OLA1: variants seen among roughly 807,000 people sequenced by gnomAD.
The protein encoded by OLA1 is Obg like ATPase 1.
In OLA1, 14 loss-of-function variants were observed where a neutral mutation model predicts 48.4. The ratio of observed to expected loss-of-function variants is 0.29; its 90% CI spans 0.19 to 0.45. The LOEUF (loss-of-function observed/expected upper bound fraction) is 0.45, where lower values mean the gene tolerates loss of function less well. Ranked by LOEUF, OLA1 falls within the 20% of genes least tolerant of loss-of-function variation. The pLI is 1.00. For synonymous variants in OLA1, 127 were observed against 150.4 expected, an observed-to-expected ratio of 0.84 and a Z score of 1.14; for missense variants, 325 against 467.1, an observed-to-expected ratio of 0.70 and a Z score of 2.80.
chr2:174,207,516 T>G (rs1443999261), intron 4 of OLA1, among the ~76,000 whole-genome samples: 3 of 152,174 alleles, frequency 2.0e-5, no homozygotes, highest in Non-Finnish European at 2.9e-5. Context: ...TCTATTTCCT[T>G]AAGAACTTGT....
intron 2 of OLA1, chr2:174,240,285 T>A (rs1044176382): frequency 2.6e-5 from 4 of 152,238 alleles, no homozygotes; most frequent in Non-Finnish European, 4.4e-5. Flanking sequence ...CCTCCACTCC[T>A]GATAGGTCAC....
rs925924039 is a variant in OLA1 at position 174,106,546 on chromosome 2, T to C, written c.728+16634A>G. ...ACAAGTCTTTTGAAATGCAATTTAGTATTAAAGTTTGAGAAATTGCTGTTG... is the reference window on the plus strand; with the variant it reads ...ACAAGTCTTTTGAAATGCAATTTAGCATTAAAGTTTGAGAAATTGCTGTTG... On this transcript the variant is annotated intron_variant, in intron 7 of 10. Coordinates refer to ENST00000284719, the MANE Select transcript of OLA1 (RefSeq NM_013341.5). Among the ~76,000 whole-genome samples, 3 of 152,260 alleles carry C rather than the reference T, an allele frequency of 2.0e-5. No individual in the cohort carries two copies. In the South Asian group the frequency reaches 6.2e-4, roughly 32 times the overall value.
At chr2:174,224,518 C>T (rs1377528183) in intron 3 of OLA1, among the ~76,000 whole-genome samples, 1 of 152,122 alleles carries the variant, frequency 6.6e-6, no homozygotes, top group East Asian at 1.9e-4. Flanking sequence ...CATCTGTAGT[C>T]CCAAGTATTT....
chr2:174,242,283 G>A (rs550896148), intron 2 of OLA1, among the ~76,000 whole-genome samples: 1 of 152,318 alleles, frequency 6.6e-6, no homozygotes, highest in South Asian at 2.1e-4. Flanking sequence ...TCAGGCATTA[G>A]TTCGATTCTC....
rs751640548 is a variant in OLA1, at chr2:174,081,176, A to C, written c.942T>G (p.Asp314Glu). Residue 314 changes from aspartate to glutamate, a missense_variant, in exon 9 of 11, where the codon GAT becomes GAG. Physicochemically the swap from Asp to Glu is conservative, Grantham distance 45. Transcript: ENST00000284719. ...QLEYFFTAGPDEVRAWTIRKG... is the reference protein window; with the variant it reads ...QLEYFFTAGPEEVRAWTIRKG... Reference sequence around the variant, plus strand: ...CCCTGATGGTCCATGCACGCACTTCATCTGGGCCTGCAGTGAAAAAGTATT... The same window carrying C: ...CCCTGATGGTCCATGCACGCACTTCCTCTGGGCCTGCAGTGAAAAAGTATT... The C allele has an allele frequency of 6.2e-6, 10 of 1,612,350 alleles. No individual in the cohort carries two copies. In the Admixed American group the frequency reaches 1.7e-4, roughly 27 times the overall value.
At chr2:174,218,878 TG>T (rs1208959272) in intron 4 of OLA1, among the ~76,000 whole-genome samples, 1 of 152,078 alleles carries the variant, frequency 6.6e-6, no homozygotes, top group African/African-American at 2.4e-5. Flanking sequence ...TGGAGTACAG[TG>T]GTGCAATCAC....
intron 7 of OLA1, among the ~76,000 whole-genome samples, chr2:174,122,723 TC>T (rs1240345470): frequency 6.6e-6 from 1 of 151,344 alleles, no homozygotes; most frequent in African/African-American, 2.4e-5. Flanking sequence ...TACTGGTCTT[TC>T]CCCACACACA....
At chr2:174,112,670 TAC>T (rs1344826009) in intron 7 of OLA1, among the ~76,000 whole-genome samples, 2 of 152,140 alleles carry the variant, frequency 1.3e-5, no homozygotes, top group Non-Finnish European at 2.9e-5. Flanking sequence ...GGACTCCTGA[TAC>T]AGAGAATGAG....
chr2:174,239,528 CA>C (rs759645728), intron 2 of OLA1, among the ~76,000 whole-genome samples: 1 of 151,744 alleles, frequency 6.6e-6, no homozygotes, highest in Non-Finnish European at 1.5e-5. Context: ...TCAAGGATAT[CA>C]AACACAAAAA....
Position 174,088,733 on chromosome 2 carries a change from GGGCTTGGT to G in OLA1, c.729-6677_729-6670del, listed in dbSNP as rs1189579935. On this transcript the variant is annotated intron_variant, in intron 7 of 10. Coordinates refer to ENST00000284719, the MANE Select transcript of OLA1 (RefSeq NM_013341.5). ...CCTCTTCTAAAAGAGAGCTAAGGCC[GGGCTTGGT>G]GGTTCATGCCTATAATCCCAGCACT... is the stretch of plus-strand genomic sequence containing the variant. Among the ~76,000 whole-genome samples, 6 of 152,198 alleles carry G rather than the reference GGGCTTGGT, an allele frequency of 3.9e-5. No individual in the cohort carries two copies. In the East Asian group the frequency reaches 9.6e-4, roughly 24 times the overall value.
At chr2:174,133,938 T>C (rs1025879019) in intron 5 of OLA1, among the ~76,000 whole-genome samples, 2 of 152,206 alleles carry the variant, frequency 1.3e-5, no homozygotes, top group African/African-American at 2.4e-5. Context: ...CTACCCATTA[T>C]TCCTCCCCCT....
At chr2:174,213,635 T>C (rs898582532) in intron 4 of OLA1, among the ~76,000 whole-genome samples, 6 of 152,188 alleles carry the variant, frequency 3.9e-5, no homozygotes, top group Non-Finnish European at 7.3e-5. Flanking sequence ...AAAAAGTTAG[T>C]GGTTTTTCCA....
intron 5 of OLA1, among the ~76,000 whole-genome samples, chr2:174,134,541 T>C (rs1686256319): frequency 6.6e-6 from 1 of 152,206 alleles, no homozygotes; most frequent in Admixed American, 6.5e-5. Context: ...TGTATTATTG[T>C]CATGTATTTT....
intron 2 of OLA1, among the ~76,000 whole-genome samples, chr2:174,239,778 C>T (rs1341916671): frequency 6.6e-6 from 1 of 150,812 alleles, no homozygotes; most frequent in Non-Finnish European, 1.5e-5. Context: ...CCTGCAGTCC[C>T]AGCTATTCAG....
At chr2:174,099,446 G>A (rs1212856215) in intron 7 of OLA1, among the ~76,000 whole-genome samples, 1 of 152,068 alleles carries the variant, frequency 6.6e-6, no homozygotes, top group African/African-American at 2.4e-5. Context: ...GAGCCACTGC[G>A]CCTGGCCGAC....
chr2:174,084,630 A>G (rs11694601), intron 7 of OLA1, among the ~76,000 whole-genome samples: 64,180 of 152,082 alleles, frequency 0.42, 14,395 homozygotes, highest in East Asian at 0.94. Flanking sequence ...AAGATCACAA[A>G]TCTGAACCCC....
chr2:174,150,252 G>A (rs1228080539), intron 4 of OLA1, among the ~76,000 whole-genome samples: 1 of 152,124 alleles, frequency 6.6e-6, no homozygotes, highest in African/African-American at 2.4e-5. Flanking sequence ...GAGTGGGTTT[G>A]TTATAAAAAG....
intron 4 of OLA1, among the ~76,000 whole-genome samples, chr2:174,150,350 A>G (rs1205734955): frequency 6.6e-6 from 1 of 152,214 alleles, no homozygotes; most frequent in Non-Finnish European, 1.5e-5. Flanking sequence ...ACTAGCAAGA[A>G]GACCCTCACC....
rs143810672 is a variant in OLA1, at chr2:174,100,977, T to A, written c.729-18913A>T. 3.2e-4 allele frequency among the ~76,000 whole-genome samples: 48 copies of A among 152,366 alleles called. 1 individual carries two copies. The Middle Eastern group carries it at 0.01, about 32-fold the overall frequency. ...TTTGAACTATCATGAATAAGGCTGC[T>A]ACTCTGTGTAGTAAATGCATGTATA... On this transcript the variant is annotated intron_variant, in intron 7 of 10. Coordinates refer to ENST00000284719, the MANE Select transcript of OLA1 (RefSeq NM_013341.5).
Sources: gnomAD v4.1 joint callset for allele counts (sites outside exome capture counted in the v4.1 genomes callset) on GRCh38, gnomAD v4.1.1 for gene constraint, MANE v1.5 for transcripts, NCBI Gene and HGNC (gene_info 2026-07-23, HGNC 2026-07-21) for gene names.